The following NRXN3 variants were observed in gnomAD, a reference collection of about 807,000 sequenced individuals.
NRXN3 encodes neurexin 3.
In NRXN3, 32 loss-of-function variants were observed where a neutral mutation model predicts 137.6. The observed-to-expected ratio is 0.23, with a 90% CI of 0.18 to 0.31. The LOEUF (loss-of-function observed/expected upper bound fraction) is 0.31, where lower values mean the gene tolerates loss of function less well. NRXN3 is among the 10% of genes least tolerant of loss of function. NRXN3 has a pLI of 1.00. For synonymous variants in NRXN3, 798 were observed against 784.5 expected (o/e 1.02, Z -0.29); for missense variants, 1,574 against 2,062.5 (o/e 0.76, Z 4.59).
chr14:79,388,677 C>T (rs1356175364), intron 15 of NRXN3, among the ~76,000 whole-genome samples: 2 of 152,132 alleles, frequency 1.3e-5, no homozygotes, highest in Non-Finnish European at 2.9e-5. Context: ...TTACCCAGGC[C>T]TCTCTCCTAG....
chr14:79,231,564 G>C (rs186596510), intron 15 of NRXN3, among the ~76,000 whole-genome samples: 2 of 152,262 alleles, frequency 1.3e-5, no homozygotes, highest in African/African-American at 4.8e-5. Flanking sequence ...ATGCTAATTT[G>C]TTTCTCCAGG....
chr14:78,325,056 A>G (rs2079885390), intron 4 of NRXN3, among the ~76,000 whole-genome samples: 1 of 152,050 alleles, frequency 6.6e-6, no homozygotes, highest in Non-Finnish European at 1.5e-5. Context: ...GCAGGTAGGA[A>G]CAATGCGGGA....
At chr14:78,171,471 G>A (rs768228858) in intron 1 of NRXN3, among the ~76,000 whole-genome samples, 12 of 152,186 alleles carry the variant, frequency 7.9e-5, no homozygotes, top group Non-Finnish European at 1.8e-4. Flanking sequence ...CTTCCACTCT[G>A]TGTAAGCACT....
intron 1 of NRXN3, among the ~76,000 whole-genome samples, chr14:78,235,038 G>GTGTATATATATATATA (rs1567037899): frequency 1.3e-4 from 10 of 76,672 alleles, no homozygotes; most frequent in Non-Finnish European, 2.1e-4. Flanking sequence ...ATATATATAT[G>GTGTATATATATATATA]TGTGTGTGTG....
chr14:78,449,823 A>G (rs1412492105), intron 4 of NRXN3, among the ~76,000 whole-genome samples: 3 of 152,258 alleles, frequency 2.0e-5, no homozygotes, highest in Non-Finnish European at 4.4e-5. Flanking sequence ...AAAGGAAGAT[A>G]TGACTTATCC....
In NRXN3 at chr14:78,967,258, G is replaced by A; in HGVS notation, c.2828G>A (p.Gly943Asp). Reference sequence around the variant, plus strand: ...GGAAACGGTCCCAATGTGATCAAAGGCAACAGTGACCGCCCCCTGAATGAC... The same window carrying A: ...GGAAACGGTCCCAATGTGATCAAAGACAACAGTGACCGCCCCCTGAATGAC... ...DLGNGPNVIK[G>D]NSDRPLNDNQ... is the part of the protein sequence containing the mutation. The change falls in exon 13 of 21, where the codon GGC becomes GAC. Residue 943 changes from glycine to aspartate, a missense_variant. By Grantham distance (94) the Gly-to-Asp change is moderately conservative. Around this residue, in one of 5 missense-constraint regions of NRXN3, gnomAD observed 718 missense variants for 887.6 expected, o/e 0.81. Coordinates refer to ENST00000335750, the MANE Select transcript of NRXN3 (RefSeq NM_001330195.2). 6.2e-7 allele frequency: 1 copy of A among 1,613,326 alleles called. No homozygotes were observed. Among genetic ancestry groups the A allele is most frequent in the Non-Finnish European group, 8.5e-7 (1 of 1,179,908 alleles).
intron 15 of NRXN3, among the ~76,000 whole-genome samples, chr14:79,315,249 T>C (rs932886678): frequency 6.6e-6 from 1 of 152,200 alleles, no homozygotes; most frequent in African/African-American, 2.4e-5. Flanking sequence ...CTTACAAGTC[T>C]TCATAGCAAT....
chr14:78,793,218 T>C (rs1208876225), intron 8 of NRXN3, among the ~76,000 whole-genome samples: 1 of 152,118 alleles, frequency 6.6e-6, no homozygotes, highest in African/African-American at 2.4e-5. Flanking sequence ...AACTTGAATC[T>C]ATACTCCCCC....
At chr14:79,769,549 A>G (rs1028884461) in intron 19 of NRXN3, among the ~76,000 whole-genome samples, 7 of 152,162 alleles carry the variant, frequency 4.6e-5, no homozygotes, top group African/African-American at 1.7e-4. Context: ...TTAGAAATAA[A>G]ATACTTTACA....
intron 16 of NRXN3, among the ~76,000 whole-genome samples, chr14:79,626,417 T>C (rs1435405379): frequency 2.7e-5 from 4 of 148,638 alleles, no homozygotes; most frequent in African/African-American, 1.0e-4. Flanking sequence ...CTTTTTTTTT[T>C]TTTAAACCAC....
At chr14:78,218,635 T>C (rs1416352768) in intron 1 of NRXN3, among the ~76,000 whole-genome samples, 1 of 152,216 alleles carries the variant, frequency 6.6e-6, no homozygotes, top group African/African-American at 2.4e-5. Context: ...AAGAATGAAA[T>C]TGCATCACAA....
At chr14:78,695,769 C>T (rs146057244) in intron 6 of NRXN3, 1 of 152,000 alleles carries the variant, frequency 6.6e-6, no homozygotes, top group African/African-American at 2.4e-5. Context: ...CTCTTGCCAT[C>T]TGTCTTATCA....
chr14:79,662,904 C>G (rs1357388145), intron 16 of NRXN3, among the ~76,000 whole-genome samples: 1 of 152,126 alleles, frequency 6.6e-6, no homozygotes, highest in Non-Finnish European at 1.5e-5. Context: ...GGCCCCATCT[C>G]CAACACTGGA....
At chr14:79,481,107 A>T (rs1425752904) in intron 16 of NRXN3, among the ~76,000 whole-genome samples, 2 of 151,246 alleles carry the variant, frequency 1.3e-5, no homozygotes, top group African/African-American at 4.8e-5. Flanking sequence ...AAAAGGATAG[A>T]CAAACTCCCT....
chr14:79,354,517 G>C (rs902109095), intron 15 of NRXN3, among the ~76,000 whole-genome samples: 2 of 152,096 alleles, frequency 1.3e-5, no homozygotes, highest in African/African-American at 2.4e-5. Flanking sequence ...CCAGCCTTTT[G>C]TGCAATAGTA....
At chr14:79,305,824 AACTT>A (rs2085955259) in intron 15 of NRXN3, among the ~76,000 whole-genome samples, 1 of 152,064 alleles carries the variant, frequency 6.6e-6, no homozygotes, top group African/African-American at 2.4e-5. Flanking sequence ...CAGTGAGGCA[AACTT>A]ACATTGGAAG....
intron 16 of NRXN3, among the ~76,000 whole-genome samples, chr14:79,567,669 G>C (rs79724198): frequency 0.065 from 9,890 of 152,032 alleles, 408 homozygotes; most frequent in Middle Eastern, 0.13. Context: ...TTTTCATTTG[G>C]TTATTTGATA....
At chr14:78,217,898 T>A (rs973584703) in intron 1 of NRXN3, among the ~76,000 whole-genome samples, 5 of 152,146 alleles carry the variant, frequency 3.3e-5, no homozygotes, top group Admixed American at 2.0e-4. Context: ...TGACCTCAAG[T>A]AATCTGCTTG....
chr14:78,928,905 A>G (rs892092065), intron 10 of NRXN3, among the ~76,000 whole-genome samples: 5 of 152,046 alleles, frequency 3.3e-5, no homozygotes, highest in Non-Finnish European at 7.4e-5. Flanking sequence ...ACTAGTTTAC[A>G]CTCCCACCAA....
Sources: allele counts gnomAD v4.1 joint callset (sites outside exome capture counted in the v4.1 genomes callset), GRCh38; gene constraint gnomAD v4.1.1; regional missense constraint gnomAD v4.1.1; transcripts MANE v1.5; gene names NCBI Gene and HGNC (gene_info 2026-07-23, HGNC 2026-07-21).